The following CIC variants were observed in gnomAD, a reference collection of about 807,000 sequenced individuals.
CIC encodes capicua transcriptional repressor, also known as protein capicua homolog.
A neutral mutation model predicts 115.7 loss-of-function variants in CIC; 18 were observed. That is an observed-to-expected ratio of 0.16 (90% confidence interval 0.11 to 0.23). The LOEUF (loss-of-function observed/expected upper bound fraction) is 0.23. Ranked by LOEUF, CIC falls within the 10% of genes least tolerant of loss-of-function variation. The pLI is 1.00. For missense variants in CIC, 2,000 were observed against 2,159.3 expected (o/e 0.93, Z 1.46); for synonymous variants, 1,076 against 923.0 (o/e 1.17, Z -3.01).
At chr19:42,269,079 T>C (rs2036663726), upstream of CIC, 1 of 152,052 alleles carries the variant, frequency 6.6e-6, no homozygotes, top group South Asian at 2.1e-4. Context: ...GTCTTGGACT[T>C]TGGCCCCGCC....
At chr19:42,281,230 G>A (rs2037232266) in intron 2 of CIC, among the ~76,000 whole-genome samples, 1 of 152,188 alleles carries the variant, frequency 6.6e-6, no homozygotes, top group Admixed American at 6.5e-5. Flanking sequence ...GGAGAGCAGG[G>A]TGGGGAGCCG....
intron 2 of CIC, among the ~76,000 whole-genome samples, chr19:42,282,717 C>T (rs2037316159): frequency 6.6e-6 from 1 of 152,220 alleles, no homozygotes; most frequent in Non-Finnish European, 1.5e-5. Context: ...ACAGTTTATT[C>T]AATCTCTGAG....
Position 42,293,209 on chromosome 19 carries a change from C to A in CIC, c.6450C>A (p.Pro2150=). Residue 2150 remains proline (P), a synonymous_variant, in exon 16 of 21, where the codon CCC becomes CCA. Coordinates refer to ENST00000681038, the MANE Select transcript of CIC (RefSeq NM_001386298.1). ...CACCCCTGCCAGAGACCTGGACTCCCACGGCCCGGAGCAGCCCCCCACTGC... is the reference window on the plus strand; with the variant it reads ...CACCCCTGCCAGAGACCTGGACTCCAACGGCCCGGAGCAGCCCCCCACTGC... ...APPPLPETWT[P]TARSSPPLPP... The A allele has an allele frequency of 6.3e-7, 1 of 1,597,302 alleles. No homozygotes were observed. The highest frequency in any genetic ancestry group is 1.3e-5 in the African/African-American group (1 of 74,598).
In CIC at chr19:42,295,143, G is replaced by GGGCCCCC; in HGVS notation, c.7506_7507insGGCCCCC (p.Pro2503GlyfsTer22). The stretch of plus-strand genomic sequence containing the variant: ...AGCCTGGCTGGGAGGGGGCTCCCCA[G>GGGCCCCC]CCCTCCCCCCCACCCCCAGGTCCCT... On this transcript the variant is annotated frameshift_variant, in exon 21 of 21. Transcript: ENST00000681038. LOFTEE classifies it high-confidence loss of function. 53 of 1,382,556 alleles carry GGGCCCCC rather than the reference G, an allele frequency of 3.8e-5. No homozygotes were observed. The highest frequency in any genetic ancestry group is 4.8e-5 in the Non-Finnish European group (50 of 1,037,660). The allele number at this position is 1,382,556 out of a possible 1,614,324, so 85.6% of individuals were successfully genotyped here. A position where few individuals can be genotyped will look rare whatever the true frequency, so the allele number is the denominator to read the frequency against.
rs1363225423 is a variant in CIC at position 42,292,676 on chromosome 19, T to A, written c.6013T>A (p.Tyr2005Asn). The change falls in exon 15 of 21, where the codon TAC becomes AAC. Residue 2005 changes from tyrosine (Y) to asparagine (N), a missense_variant. By Grantham distance (143) the Tyr-to-Asn change is moderately radical. Around this residue, in one of 8 missense-constraint regions of CIC, gnomAD observed 1,466 missense variants for 1,390.4 expected, o/e 1.05. Transcript: ENST00000681038. The stretch of plus-strand genomic sequence containing the variant: ...CGGAGGTCCTGTCATAACAGCATTT[T>A]ACTCTGGCAGCCCTGCACCCACCTC... ...APGGPVITAF[Y>N]SGSPAPTSSA... is the part of the protein sequence containing the mutation. 3 of 1,613,662 alleles carry A rather than the reference T, an allele frequency of 1.9e-6. No individual in the cohort carries two copies. Among genetic ancestry groups the A allele is most frequent in the Non-Finnish European group, 2.5e-6 (3 of 1,179,944 alleles).
chr19:42,285,471 C>G (rs935758133), intron 2 of CIC, among the ~76,000 whole-genome samples: 9 of 152,180 alleles, frequency 5.9e-5, no homozygotes, highest in African/African-American at 9.7e-5. Context: ...GTGCTGTCTT[C>G]GTGATCCCAG....
intron 2 of CIC, among the ~76,000 whole-genome samples, chr19:42,285,793 C>G (rs10409433): frequency 0.016 from 2,415 of 152,348 alleles, 60 homozygotes; most frequent in African/African-American, 0.054. Context: ...AAAGTCCAGC[C>G]AGGGGTAGGT....
At chr19:42,282,920 G>C (rs1482818200) in intron 2 of CIC, among the ~76,000 whole-genome samples, 6 of 152,156 alleles carry the variant, frequency 3.9e-5, no homozygotes, top group Admixed American at 3.9e-4. Flanking sequence ...AGAGCAGTGT[G>C]GTGGGGCCAG....
intron 2 of CIC, among the ~76,000 whole-genome samples, chr19:42,282,729 C>T (rs958834009): frequency 3.9e-5 from 6 of 152,214 alleles, no homozygotes; most frequent in African/African-American, 2.4e-5. Context: ...ATCTCTGAGG[C>T]TCATTTTTTC....
At position 42,287,187 on chromosome 19, in the gene CIC, C is replaced by G. The variant is rs773127998; in HGVS notation, c.3126C>G (p.Gly1042=). The change falls in exon 4 of 21, where the codon GGC becomes GGG. Residue 1042 remains glycine (G), a synonymous_variant. Coordinates refer to ENST00000681038, the MANE Select transcript of CIC (RefSeq NM_001386298.1). The surrounding 1 kb of genome is among the most constrained non-coding windows in gnomAD (Gnocchi z 8.7). ...CCACCACGGAGGAGGAGGCCTCCGG[C>G]CCCCCAGGAGAGCCCCGGCTGGACA... ...PPPTTEEEAS[G]PPGEPRLDSE... 1.9e-6 allele frequency: 3 copies of G among 1,613,322 alleles called. No homozygotes were observed. The highest frequency in any genetic ancestry group is 2.5e-6 in the Non-Finnish European group (3 of 1,179,836).
At chr19:42,283,403 G>C (rs2037355290) in intron 2 of CIC, among the ~76,000 whole-genome samples, 1 of 152,148 alleles carries the variant, frequency 6.6e-6, no homozygotes, top group Admixed American at 6.5e-5. Flanking sequence ...CACGATGGTG[G>C]GTGGGGAGCG....
Position 42,295,146 on chromosome 19 carries a change from C to A in CIC, c.7509C>A (p.Pro2503=). The A allele has an allele frequency of 2.2e-6, 2 of 914,270 alleles. No individual in the cohort carries two copies. Among genetic ancestry groups the A allele is most frequent in the East Asian group, 2.8e-5 (1 of 36,056 alleles). The allele number at this position is 914,270 out of a possible 1,614,324, so 56.6% of individuals were successfully genotyped here. The change falls in exon 21 of 21, where the codon CCC becomes CCA. Residue 2503 remains proline (P), a synonymous_variant. Coordinates refer to ENST00000681038, the MANE Select transcript of CIC (RefSeq NM_001386298.1). ...CTGGCTGGGAGGGGGCTCCCCAGCC[C>A]TCCCCCCCACCCCCAGGTCCCTCCA... ...GQPGWEGAPQ[P]SPPPPGPSTA... is the part of the protein sequence containing the mutation.
Position 42,293,600 on chromosome 19 carries a change from A to T in CIC, c.6531A>T (p.Lys2177Asn), listed in dbSNP as rs762599908. The T allele has an allele frequency of 2.6e-5, 42 of 1,613,634 alleles. No individual in the cohort carries two copies. Among genetic ancestry groups the T allele is most frequent in the Non-Finnish European group, 8.5e-7 (1 of 1,180,010 alleles). ...SAKGPETMAS[K>N]FPSSSSDWRV... ...GCCCATCTCCACCCCAGGCCAGCAA[A>T]TTCCCCAGCTCATCTTCAGACTGGC... The change falls in exon 17 of 21, where the codon AAA (lysine) becomes AAT (asparagine). Residue 2177 changes from lysine to asparagine, a missense_variant. Transcript: ENST00000681038.
rs2147227748 is a variant in CIC, at chr19:42,289,027, C to T, written c.3798C>T (p.His1266=). ...CAGCCCGGCCCCGAGCTTTCTCCCA[C>T]AGCGGGGTACACAGCCTGGACGGCG... ...PGSARPRAFS[H]SGVHSLDGGE... The change falls in exon 8 of 21, where the codon CAC becomes CAT. Residue 1266 remains histidine, a synonymous_variant. Coordinates refer to ENST00000681038, the MANE Select transcript of CIC (RefSeq NM_001386298.1). 1 of 1,613,788 alleles carries T rather than the reference C, an allele frequency of 6.2e-7. No individual in the cohort carries two copies. The highest frequency in any genetic ancestry group is 8.5e-7 in the Non-Finnish European group (1 of 1,180,044).
At position 42,286,358 on chromosome 19, in the gene CIC, C is replaced by T. The variant is rs373885111; in HGVS notation, c.2795-413C>T. Among the ~76,000 whole-genome samples, 603 of 152,018 alleles carry T rather than the reference C, an allele frequency of 4.0e-3. 3 individuals carry two copies. The highest frequency in any genetic ancestry group is 0.014 in the African/African-American group (589 of 41,440). On this transcript the variant is annotated intron_variant, in intron 2 of 20. Transcript: ENST00000681038. ...CAAGGTGAGACGCTGTGTTGGGCGG[C>T]GACTGGGCTGCTGGGAATGTGGCAT...
At position 42,280,789 on chromosome 19, in the gene CIC, G is replaced by T. The variant is rs2037199974; in HGVS notation, c.2795-5982G>T. 6.6e-6 allele frequency among the ~76,000 whole-genome samples: 1 copy of T among 151,944 alleles called. No individual in the cohort carries two copies. Among genetic ancestry groups the T allele is most frequent in the African/African-American group, 2.4e-5 (1 of 41,358 alleles). The stretch of plus-strand genomic sequence containing the variant: ...GGAGGGGAGGGGAACGCAGGGCGGC[G>T]CCCCCTCCTCTGCTCGGGCCTTGGC... On this transcript the variant is annotated intron_variant, in intron 2 of 20. Transcript: ENST00000681038. This position sits in a 1 kb window ranked among gnomAD's most constrained non-coding sequence, Gnocchi z 4.9.
At position 42,273,973 on chromosome 19, in the gene CIC, A is replaced by AG; in HGVS notation, c.2195dup (p.Gly733TrpfsTer11). The AG allele has an allele frequency of 2.5e-6, 1 of 398,802 alleles. No homozygotes were observed. The highest frequency in any genetic ancestry group is 2.1e-5 in the African/African-American group (1 of 48,742). The allele number at this position is 398,802 out of a possible 1,614,324, so 24.7% of individuals were successfully genotyped here. The stretch of plus-strand genomic sequence containing the variant: ...CAGGGGCCTTGGGGGCCCCTGGCGC[A>AG]GGGGGTGGAGGAGCCGCCCCAGACT... On this transcript the variant is annotated frameshift_variant, in exon 2 of 21. Transcript: ENST00000681038. LOFTEE classifies it high-confidence loss of function.
Position 42,290,961 on chromosome 19 carries a change from C to A in CIC, c.4920C>A (p.Asp1640Glu), listed in dbSNP as rs777877549. 2 of 1,613,638 alleles carry A rather than the reference C, an allele frequency of 1.2e-6. No individual in the cohort carries two copies. The highest frequency in any genetic ancestry group is 2.7e-5 in the African/African-American group (2 of 74,942). ...TGGGTGTCAGCTTAGTGTATTCGGACAAGAAGTCGGCAGCAGCCACCTCAC... is the reference window on the plus strand; with the variant it reads ...TGGGTGTCAGCTTAGTGTATTCGGAAAAGAAGTCGGCAGCAGCCACCTCAC... ...SPLGVSLVYSDKKSAAATSPA... is the reference protein window; with the variant it reads ...SPLGVSLVYSEKKSAAATSPA... Residue 1640 changes from aspartate to glutamate, a missense_variant, in exon 11 of 21, where the codon GAC becomes GAA. By Grantham distance (45) the Asp-to-Glu change is conservative. This residue lies in a region of CIC where 1,466 missense variants were observed against 1,390.4 expected (regional missense o/e 1.05). Transcript: ENST00000681038.
At chr19:42,291,807 G>GT in intron 12 of CIC, 62 bp downstream of exon 12, 1 of 1,596,614 alleles carries the variant, frequency 6.3e-7, no homozygotes, top group Non-Finnish European at 8.6e-7. Context: ...TCATTTCTTT[G>GT]TCTTTTTTTT....
Sources: gnomAD v4.1 joint callset for allele counts (sites outside exome capture counted in the v4.1 genomes callset) on GRCh38, gnomAD v4.1.1 for gene constraint, gnomAD v4.1.1 regional missense constraint, Gnocchi (gnomAD v3.1) non-coding constraint, MANE v1.5 for transcripts, NCBI Gene and HGNC (gene_info 2026-07-23, HGNC 2026-07-21) for gene names.